FBXW8: variants seen among roughly 807,000 people sequenced by gnomAD.
FBXW8 encodes the protein F-box and WD repeat domain containing 8.
A neutral mutation model predicts 65.3 loss-of-function variants in FBXW8; 57 were observed. The ratio of observed to expected loss-of-function variants is 0.87; its 90% CI spans 0.71 to 1.09. The LOEUF (loss-of-function observed/expected upper bound fraction) is 1.09. Among genes scored for constraint, FBXW8 ranks in the 50% least tolerant of loss-of-function variants. The probability of loss-of-function intolerance (pLI) is 0.00; values close to 1 mark genes in which losing one functional copy is unlikely to be tolerated. For synonymous variants in FBXW8, 308 were observed against 330.2 expected, an observed-to-expected ratio of 0.93 and a Z score of 0.73; for missense variants, 777 against 814.8, an observed-to-expected ratio of 0.95 and a Z score of 0.57.
Position 117,024,294 on chromosome 12 carries a change from C to G in FBXW8, c.1515C>G (p.Asn505Lys). ...TGTCCGTGTGGGATTATCGGATGAA[C>G]CAGAAGCTGTGGGAGGTGTATTCCG... ...GLVSVWDYRM[N>K]QKLWEVYSGH... Residue 505 changes from asparagine (N) to lysine (K), a missense_variant, in exon 9 of 11, where the codon AAC (asparagine) becomes AAG (lysine). Transcript: ENST00000652555. The G allele has an allele frequency of 6.2e-7, 1 of 1,614,172 alleles. No individual in the cohort carries two copies. Among genetic ancestry groups the G allele is most frequent in the Non-Finnish European group, 8.5e-7 (1 of 1,180,016 alleles).
At chr12:117,002,659 C>G (rs1001573453) in intron 7 of FBXW8, 1 of 152,246 alleles carries the variant, frequency 6.6e-6, no homozygotes, top group Non-Finnish European at 1.5e-5. Flanking sequence ...AAAATAGTCT[C>G]TCTGGCTGAT....
At chr12:116,934,635 AATT>A (rs2137322108) in intron 2 of FBXW8, among the ~76,000 whole-genome samples, 1 of 152,340 alleles carries the variant, frequency 6.6e-6, no homozygotes, top group Non-Finnish European at 1.5e-5. Context: ...AAACTTTAAA[AATT>A]ATTATAAATT....
At chr12:116,954,300 G>A (rs4766818) in intron 4 of FBXW8, among the ~76,000 whole-genome samples, 116,592 of 151,934 alleles carry the variant, frequency 0.77, 46,176 homozygotes, top group Non-Finnish European at 0.86. Context: ...TAGTGTGACT[G>A]TAGCCTTTGT....
intron 3 of FBXW8, among the ~76,000 whole-genome samples, chr12:116,945,730 G>C (rs1334135030): frequency 6.6e-6 from 1 of 152,166 alleles, no homozygotes; most frequent in Non-Finnish European, 1.5e-5. Flanking sequence ...TCAAGATTTG[G>C]GAACATCCTC....
At chr12:116,935,434 A>G (rs1882085798) in intron 2 of FBXW8, among the ~76,000 whole-genome samples, 1 of 152,220 alleles carries the variant, frequency 6.6e-6, no homozygotes, top group Non-Finnish European at 1.5e-5. Context: ...GGCAAAAGTG[A>G]TTCTGCAGAC....
chr12:117,027,011 T>A (rs184798259), intron 9 of FBXW8, among the ~76,000 whole-genome samples: 317 of 152,140 alleles, frequency 2.1e-3, no homozygotes, highest in Middle Eastern at 0.014. Context: ...GCTCCATAGA[T>A]GATGGAGAGC....
At chr12:116,923,878 G>T (rs1029386729) in intron 1 of FBXW8, among the ~76,000 whole-genome samples, 1 of 152,020 alleles carries the variant, frequency 6.6e-6, no homozygotes, top group African/African-American at 2.4e-5. Context: ...CTGCCACCAG[G>T]CCCGGCTAAT....
chr12:117,015,694 A>T (rs932369549), intron 8 of FBXW8, among the ~76,000 whole-genome samples: 2 of 152,194 alleles, frequency 1.3e-5, no homozygotes, highest in African/African-American at 4.8e-5. Context: ...ACTGAGATTT[A>T]ATTTACATGC....
intron 5 of FBXW8, among the ~76,000 whole-genome samples, chr12:116,970,401 T>A (rs1371500135): frequency 5.9e-5 from 9 of 152,180 alleles, no homozygotes; most frequent in African/African-American, 2.2e-4. Context: ...CCAGTGCAAC[T>A]GTCTGAACGC....
intron 1 of FBXW8, among the ~76,000 whole-genome samples, chr12:116,915,155 G>A (rs1880303635): frequency 6.6e-6 from 1 of 152,222 alleles, no homozygotes; most frequent in South Asian, 2.1e-4. Flanking sequence ...GGATTCCTGT[G>A]TCAGTGGTTG....
intron 1 of FBXW8, among the ~76,000 whole-genome samples, chr12:116,914,116 T>A (rs1271953221): frequency 6.6e-6 from 1 of 151,922 alleles, no homozygotes; most frequent in Non-Finnish European, 1.5e-5. Flanking sequence ...ACAAAAAATT[T>A]AAAAAATTTA....
chr12:117,027,968 G>T, intron 10 of FBXW8, 60 bp from the exon 11 acceptor site: 4 of 1,605,694 alleles, frequency 2.5e-6, no homozygotes, highest in Non-Finnish European at 3.4e-6. Flanking sequence ...AGACAGAAGC[G>T]GCTGGGGTGA....
At chr12:117,002,976 A>G (rs1156434835) in intron 7 of FBXW8, 1 of 152,222 alleles carries the variant, frequency 6.6e-6, no homozygotes, top group Non-Finnish European at 1.5e-5. Context: ...CAGAATAGCA[A>G]TGTGGGTCGT....
chr12:116,915,922 A>G (rs1298255653), intron 1 of FBXW8, among the ~76,000 whole-genome samples: 1 of 151,468 alleles, frequency 6.6e-6, no homozygotes. Flanking sequence ...AAGTGCTGGA[A>G]CTACAGGTGT....
chr12:117,021,212 G>A (rs149027442), intron 8 of FBXW8, among the ~76,000 whole-genome samples: 2 of 152,166 alleles, frequency 1.3e-5, no homozygotes, highest in African/African-American at 4.8e-5. Flanking sequence ...TAATTTATCT[G>A]ATTACCAGCA....
At chr12:116,928,184 G>T in intron 2 of FBXW8, 57 bp downstream of exon 2, 1 of 1,017,506 alleles carries the variant, frequency 9.8e-7, no homozygotes, top group South Asian at 1.4e-5. Context: ...TAAGGTATAG[G>T]ACTCTCCGGG....
chr12:116,913,197 A>G (rs147563472), intron 1 of FBXW8, among the ~76,000 whole-genome samples: 193 of 152,218 alleles, frequency 1.3e-3, no homozygotes, highest in Middle Eastern at 6.8e-3. Flanking sequence ...AAGACATTAT[A>G]CTCTACTGTA....
At position 116,961,243 on chromosome 12, in the gene FBXW8, C is replaced by T. The variant is rs1039107591; in HGVS notation, c.678-3454C>T. 1.3e-5 allele frequency among the ~76,000 whole-genome samples: 2 copies of T among 152,272 alleles called. No homozygotes were observed. The highest frequency in any genetic ancestry group is 1.3e-4 in the Admixed American group (2 of 15,280). On this transcript the variant is annotated intron_variant, in intron 4 of 10. Transcript: ENST00000652555. The surrounding 1 kb of genome is among the most constrained non-coding windows in gnomAD (Gnocchi z 4.4). ...CCTCCTGACCTCAGGTGATCTGCCC[C>T]TGCCCTCAGCCTCCCAAAGTGCTGG...
intron 7 of FBXW8, among the ~76,000 whole-genome samples, chr12:117,000,945 C>T (rs1300045013): frequency 6.6e-6 from 1 of 152,182 alleles, no homozygotes; most frequent in Non-Finnish European, 1.5e-5. Context: ...GCCACCTCAG[C>T]TCCTTTTGTT....
Sources: gnomAD v4.1 joint callset for allele counts (sites outside exome capture counted in the v4.1 genomes callset) on GRCh38, gnomAD v4.1.1 for gene constraint, Gnocchi (gnomAD v3.1) non-coding constraint, MANE v1.5 for transcripts, NCBI Gene and HGNC (gene_info 2026-07-23, HGNC 2026-07-21) for gene names.